ERBB4: variants seen among roughly 807,000 people sequenced by gnomAD.
The protein encoded by ERBB4 is receptor tyrosine-protein kinase erbB-4.
Under a neutral mutation model 158.0 loss-of-function variants are expected in ERBB4, and 42 were observed. That is an observed-to-expected ratio of 0.27 (90% CI 0.21 to 0.34). The LOEUF (loss-of-function observed/expected upper bound fraction) is 0.34, where lower values mean the gene tolerates loss of function less well. Among genes scored for constraint, ERBB4 ranks in the 10% least tolerant of loss-of-function variants. The pLI, the probability that ERBB4 is intolerant of heterozygous loss-of-function variation, is 1.00. For synonymous variants in ERBB4, 583 were observed against 558.7 expected, an observed-to-expected ratio of 1.04 and a Z score of -0.61; for missense variants, 1,333 against 1,624.1, an observed-to-expected ratio of 0.82 and a Z score of 3.08.
chr2:211,403,316 T>C (rs557974457), intron 25 of ERBB4, among the ~76,000 whole-genome samples: 1 of 152,292 alleles, frequency 6.6e-6, no homozygotes, highest in South Asian at 2.1e-4. Context: ...CCAAGGTTAA[T>C]ATGCTGTAAG....
chr2:211,949,770 C>T (rs754142157), intron 2 of ERBB4, among the ~76,000 whole-genome samples: 5 of 152,118 alleles, frequency 3.3e-5, no homozygotes, highest in Admixed American at 6.6e-5. Flanking sequence ...GCTCAAATAT[C>T]ACCTTCTCAG....
intron 3 of ERBB4, among the ~76,000 whole-genome samples, chr2:211,944,813 C>T (rs1432501064): frequency 6.6e-6 from 1 of 151,924 alleles, no homozygotes; most frequent in East Asian, 1.9e-4. Context: ...CAGGTGAGGC[C>T]CAAGGATTTG....
intron 3 of ERBB4, among the ~76,000 whole-genome samples, chr2:211,868,099 T>C (rs1050821261): frequency 5.9e-5 from 9 of 152,316 alleles, no homozygotes; most frequent in Admixed American, 2.6e-4. Context: ...TCTCTCTGAT[T>C]AGTGTTATCT....
intron 3 of ERBB4, among the ~76,000 whole-genome samples, chr2:211,821,703 T>C (rs2076998895): frequency 6.6e-6 from 1 of 151,968 alleles, no homozygotes; most frequent in South Asian, 2.1e-4. Flanking sequence ...AATTAATTCA[T>C]GTATCTACAG....
intron 1 of ERBB4, among the ~76,000 whole-genome samples, chr2:212,266,094 T>C (rs930065042): frequency 1.3e-5 from 2 of 151,966 alleles, no homozygotes; most frequent in African/African-American, 4.8e-5. Context: ...AGCCTCCGTC[T>C]CAATTGCATG....
rs575926069 is a variant in ERBB4 at position 212,404,807 on chromosome 2, C to G, written c.82+133642G>C. Among the ~76,000 whole-genome samples the G allele has an allele frequency of 1.3e-3, 193 of 152,126 alleles. 2 individuals carry two copies. The highest frequency in any genetic ancestry group is 4.4e-3 in the African/African-American group (183 of 41,528). ...CTACTCCTCTCCCTCCTCCCACTCT[C>G]CACTCTCAAGTAGTCCCCAGTATCT... On this transcript the variant is annotated intron_variant, in intron 1 of 27. Coordinates refer to ENST00000342788, the MANE Select transcript of ERBB4 (RefSeq NM_005235.3).
intron 25 of ERBB4, among the ~76,000 whole-genome samples, chr2:211,392,722 G>A (rs2062829080): frequency 1.3e-5 from 2 of 152,108 alleles, no homozygotes; most frequent in Non-Finnish European, 2.9e-5. Context: ...AGGCTGGAGT[G>A]CAGTGGCGTG....
chr2:212,392,846 TCTAA>T (rs1168289536), intron 1 of ERBB4, among the ~76,000 whole-genome samples: 1 of 152,084 alleles, frequency 6.6e-6, no homozygotes, highest in Admixed American at 6.6e-5. Flanking sequence ...GATGATATTC[TCTAA>T]CTAAGACAGA....
At chr2:211,799,405 A>G (rs2105885583) in intron 3 of ERBB4, among the ~76,000 whole-genome samples, 1 of 152,252 alleles carries the variant, frequency 6.6e-6, no homozygotes, top group African/African-American at 2.4e-5. Context: ...ATATTTTAAA[A>G]TCTTTGCGGA....
intron 3 of ERBB4, among the ~76,000 whole-genome samples, chr2:211,855,342 T>G (rs1171783863): frequency 6.6e-6 from 1 of 152,194 alleles, no homozygotes; most frequent in Non-Finnish European, 1.5e-5. Flanking sequence ...GTTCTAATTT[T>G]AGTATAAGAT....
chr2:212,056,181 A>T (rs1474455001), intron 2 of ERBB4, among the ~76,000 whole-genome samples: 3 of 152,250 alleles, frequency 2.0e-5, no homozygotes, highest in Non-Finnish European at 4.4e-5. Flanking sequence ...GGTATCAGTG[A>T]TTGAAGATCA....
chr2:211,943,845 A>G (rs2080574821), intron 3 of ERBB4, among the ~76,000 whole-genome samples: 1 of 151,984 alleles, frequency 6.6e-6, no homozygotes, highest in Non-Finnish European at 1.5e-5. Flanking sequence ...ACTTTTGGTG[A>G]ACATTAAGCT....
chr2:211,884,271 A>G (rs1053061460), intron 3 of ERBB4, among the ~76,000 whole-genome samples: 1 of 151,854 alleles, frequency 6.6e-6, no homozygotes, highest in Admixed American at 6.6e-5. Flanking sequence ...TTTCCTACTC[A>G]CCAATTCCTC....
chr2:211,492,823 T>C (rs760234989), intron 20 of ERBB4, among the ~76,000 whole-genome samples: 3 of 152,118 alleles, frequency 2.0e-5, no homozygotes, highest in Non-Finnish European at 4.4e-5. Flanking sequence ...TCTAATCAGA[T>C]CCACTGCTAA....
chr2:212,042,596 TTGACATTTAATCTACA>T (rs1238614484), intron 2 of ERBB4, among the ~76,000 whole-genome samples: 1 of 152,134 alleles, frequency 6.6e-6, no homozygotes, highest in Admixed American at 6.6e-5. Context: ...ACTTGTCCAG[TTGACATTTAATCTACA>T]TAACATTTCC....
chr2:212,058,922 T>A (rs1442934503), intron 2 of ERBB4, among the ~76,000 whole-genome samples: 1 of 152,180 alleles, frequency 6.6e-6, no homozygotes, highest in Non-Finnish European at 1.5e-5. Context: ...TTCAACGTAG[T>A]GTTGGAAGTT....
chr2:212,305,965 G>A (rs2086794823), intron 1 of ERBB4, among the ~76,000 whole-genome samples: 1 of 151,362 alleles, frequency 6.6e-6, no homozygotes, highest in Non-Finnish European at 1.5e-5. Context: ...TGAAGCCAAT[G>A]ATATCTGTAT....
intron 2 of ERBB4, among the ~76,000 whole-genome samples, chr2:211,958,912 C>T (rs1313475399): frequency 3.3e-5 from 3 of 91,120 alleles, no homozygotes; most frequent in Non-Finnish European, 1.1e-4. Flanking sequence ...TCAGCATTCT[C>T]TTAGGTGCCT....
chr2:211,386,396 C>A (rs1171640476), intron 27 of ERBB4, among the ~76,000 whole-genome samples: 3 of 152,124 alleles, frequency 2.0e-5, no homozygotes, highest in Non-Finnish European at 4.4e-5. Flanking sequence ...TAAATGTCAT[C>A]ATTTAAATGA....
Sources: allele counts gnomAD v4.1 joint callset (sites outside exome capture counted in the v4.1 genomes callset), GRCh38; gene constraint gnomAD v4.1.1; transcripts MANE v1.5; gene names NCBI Gene and HGNC (gene_info 2026-07-23, HGNC 2026-07-21).